GDPD4: variants seen among roughly 807,000 people sequenced by gnomAD.
The protein encoded by GDPD4 is glycerophosphodiester phosphodiesterase domain containing 4, also known as glycerophosphodiester phosphodiesterase 6.
GDPD4 carries 60 observed loss-of-function variants against 67.8 expected under a neutral mutation model. The observed-to-expected ratio is 0.88, with a 90% CI of 0.72 to 1.10. GDPD4 has a LOEUF of 1.10. GDPD4 is among the 50% of genes least tolerant of loss of function. GDPD4 has a pLI of 0.00. For synonymous variants in GDPD4, 212 were observed against 210.9 expected, an observed-to-expected ratio of 1.00 and a Z score of -0.04; for missense variants, 623 against 613.9, an observed-to-expected ratio of 1.01 and a Z score of -0.16.
chr11:77,217,375 G>T, intron 16 of GDPD4, 61 bp from the exon 17 acceptor site: 1 of 1,327,468 alleles, frequency 7.5e-7, no homozygotes, highest in Non-Finnish European at 1.1e-6. Context: ...TGTCAGTCAT[G>T]TGTGAAATTC....
intron 14 of GDPD4, among the ~76,000 whole-genome samples, chr11:77,230,236 C>G (rs1475858152): frequency 6.6e-6 from 1 of 152,084 alleles, no homozygotes; most frequent in Non-Finnish European, 1.5e-5. Context: ...AAGAGGCCTA[C>G]CAGATAAGCA....
chr11:77,301,229 G>A (rs1364542998), intron 1 of GDPD4, among the ~76,000 whole-genome samples: 1 of 152,000 alleles, frequency 6.6e-6, no homozygotes, highest in Non-Finnish European at 1.5e-5. Flanking sequence ...GTCCAAAACT[G>A]AACCCCTGAT....
intron 11 of GDPD4, among the ~76,000 whole-genome samples, chr11:77,251,269 A>C (rs1565522638): frequency 6.7e-6 from 1 of 150,228 alleles, no homozygotes; most frequent in African/African-American, 2.4e-5. Context: ...AAAAGGTTTG[A>C]TTTTTTTTTC....
At position 77,235,009 on chromosome 11, in the gene GDPD4, G is replaced by GTTTTTTTTTTT. The variant is rs57989259; in HGVS notation, c.1242-1848_1242-1838dup. ...TCTCTCTGCAACCTTGTCAATATCTGTTTTTTTTTTTTTTTTTTTTTTTTT... is the reference window on the plus strand; with the variant it reads ...TCTCTCTGCAACCTTGTCAATATCTGTTTTTTTTTTTTTTTTTTTTTTTTTTTTTTTTTTTT... On this transcript the variant is annotated intron_variant, in intron 13 of 16. Coordinates refer to ENST00000315938, the MANE Select transcript of GDPD4 (RefSeq NM_182833.3). Among the ~76,000 whole-genome samples, 389 of 52,254 alleles carry GTTTTTTTTTTT rather than the reference G, an allele frequency of 7.4e-3. 47 individuals are homozygous for GTTTTTTTTTTT. The highest frequency in any genetic ancestry group is 0.021 in the South Asian group (16 of 762). 34.3% of individuals were successfully genotyped at this position (52,254 alleles called of 152,430 possible).
intron 1 of GDPD4, among the ~76,000 whole-genome samples, chr11:77,294,263 A>C (rs554985466): frequency 6.6e-6 from 1 of 152,322 alleles, no homozygotes; most frequent in South Asian, 2.1e-4. Flanking sequence ...GGAAACTGAA[A>C]CTGGGTAAGA....
In GDPD4 at chr11:77,294,662, G is replaced by A. The variant is rs181362335; in HGVS notation, c.-254+6943C>T. Among the ~76,000 whole-genome samples, 551 of 151,964 alleles carry A rather than the reference G, an allele frequency of 3.6e-3. 1 individual carries two copies. The highest frequency in any genetic ancestry group is 4.8e-3 in the Non-Finnish European group (323 of 67,946). On this transcript the variant is annotated intron_variant, in intron 1 of 16. Coordinates refer to ENST00000315938, the MANE Select transcript of GDPD4 (RefSeq NM_182833.3). The stretch of plus-strand genomic sequence containing the variant: ...AATAAGCTGATTCTAAGATTTATAA[G>A]GAAAGGCAAAGGAAATAGACTAGCC...
chr11:77,271,477 A>G (rs1336417971), intron 5 of GDPD4, 84 bp from the exon 6 acceptor site: 1 of 784,644 alleles, frequency 1.3e-6, no homozygotes, highest in East Asian at 2.6e-5. Context: ...GTGTGTCTTC[A>G]CAATGTCAGG....
In GDPD4 at chr11:77,267,966, A is replaced by G. The variant is rs78859734; in HGVS notation, c.707+491T>C. 7.4e-3 allele frequency among the ~76,000 whole-genome samples: 1,127 copies of G among 151,816 alleles called. 10 individuals carry two copies. Among genetic ancestry groups the G allele is most frequent in the Middle Eastern group, 0.021 (6 of 292 alleles). ...TGACCTTTTCCTCCACTGAGGTTCC[A>G]TTACACTTATTTTTCTCTGGAAGGC... On this transcript the variant is annotated intron_variant, in intron 10 of 16. Coordinates refer to ENST00000315938, the MANE Select transcript of GDPD4 (RefSeq NM_182833.3).
At chr11:77,225,811 G>A (rs752265062) in intron 16 of GDPD4, among the ~76,000 whole-genome samples, 24 of 152,170 alleles carry the variant, frequency 1.6e-4, no homozygotes, top group Admixed American at 1.3e-4. Context: ...ATGGCACTCC[G>A]TATTTAGCAA....
intron 13 of GDPD4, among the ~76,000 whole-genome samples, chr11:77,240,609 T>G (rs959911076): frequency 4.0e-5 from 6 of 151,838 alleles, no homozygotes; most frequent in African/African-American, 1.5e-4. Context: ...AAAGCACAGG[T>G]AACAAAAGCA....
chr11:77,280,078 A>G (rs184030924), intron 3 of GDPD4, among the ~76,000 whole-genome samples: 2 of 152,330 alleles, frequency 1.3e-5, no homozygotes, highest in South Asian at 2.1e-4. Flanking sequence ...CTCTTGGACA[A>G]GAGCTGTGAG....
At chr11:77,222,360 T>C (rs943786237) in intron 16 of GDPD4, among the ~76,000 whole-genome samples, 4 of 152,220 alleles carry the variant, frequency 2.6e-5, no homozygotes, top group Non-Finnish European at 4.4e-5. Flanking sequence ...TGGCTGGTAC[T>C]GGTTGTTCCT....
chr11:77,223,027 G>A lies in GDPD4; in HGVS notation c.1525+4837C>T, dbSNP rs902970365. On this transcript the variant is annotated intron_variant, in intron 16 of 16. Coordinates refer to ENST00000315938, the MANE Select transcript of GDPD4 (RefSeq NM_182833.3). ...TTGATCAAATCAGCTACTGAAGCTT[G>A]TGCATGTGTCACGTAGTTCTCATGC... Among the ~76,000 whole-genome samples, 82 of 152,104 alleles carry A rather than the reference G, an allele frequency of 5.4e-4. 1 individual carries two copies. Among genetic ancestry groups the A allele is most frequent in the Admixed American group, 2.8e-3 (43 of 15,264 alleles).
intron 14 of GDPD4, among the ~76,000 whole-genome samples, chr11:77,232,461 C>T (rs1013894991): frequency 6.6e-6 from 1 of 152,212 alleles, no homozygotes; most frequent in Non-Finnish European, 1.5e-5. Context: ...GGATCGTAAA[C>T]CAGGTCTTCA....
chr11:77,227,838 G>C (rs759679730), intron 16 of GDPD4, 26 bp downstream of exon 16: 4 of 1,581,966 alleles, frequency 2.5e-6, no homozygotes, highest in Non-Finnish European at 3.5e-6. Context: ...TGAAGAGACA[G>C]GAGTGGGCTA....
At chr11:77,234,935 AG>A (rs879804257) in intron 13 of GDPD4, among the ~76,000 whole-genome samples, 1 of 149,674 alleles carries the variant, frequency 6.7e-6, no homozygotes, top group Non-Finnish European at 1.5e-5. Flanking sequence ...TGCTTTCCCC[AG>A]GGGCTGAACT....
chr11:77,279,161 G>C, intron 4 of GDPD4, 145 bp downstream of exon 4: 1 of 552,716 alleles, frequency 1.8e-6, no homozygotes, highest in Non-Finnish European at 3.3e-6. Flanking sequence ...AATTCAACTA[G>C]CTAATGTAAA....
intron 10 of GDPD4, among the ~76,000 whole-genome samples, chr11:77,267,326 T>C (rs1212102240): frequency 6.6e-6 from 1 of 152,208 alleles, no homozygotes; most frequent in Admixed American, 6.5e-5. Flanking sequence ...AACAACGCAT[T>C]TCTCAGAACG....
intron 14 of GDPD4, among the ~76,000 whole-genome samples, chr11:77,231,640 G>A (rs549572149): frequency 1.1e-4 from 17 of 152,234 alleles, no homozygotes; most frequent in Middle Eastern, 6.8e-3. Context: ...TGAAAAAAAC[G>A]CATTCAGAAA....
Sources: gnomAD v4.1 joint callset for allele counts (sites outside exome capture counted in the v4.1 genomes callset) on GRCh38, gnomAD v4.1.1 for gene constraint, MANE v1.5 for transcripts, NCBI Gene and HGNC (gene_info 2026-07-23, HGNC 2026-07-21) for gene names.